The following COL5A2 variants were observed in gnomAD, a reference collection of about 807,000 sequenced individuals.
The protein encoded by COL5A2 is collagen alpha-2(V) chain.
Under a neutral mutation model 208.2 loss-of-function variants are expected in COL5A2, and 23 were observed. The observed-to-expected ratio is 0.11, with a 90% CI of 0.08 to 0.16. The LOEUF is 0.16. Among genes scored for constraint, COL5A2 ranks in the 10% least tolerant of loss-of-function variants. The pLI is 1.00. For synonymous variants in COL5A2, 625 were observed against 628.5 expected (o/e 0.99, Z 0.08); for missense variants, 1,590 against 1,956.4 (o/e 0.81, Z 3.53).
At chr2:189,249,149 T>C in the COL5A2 span, among the ~76,000 whole-genome samples, 4 of 152,194 alleles carry the variant, frequency 2.6e-5, no homozygotes, top group Non-Finnish European at 5.9e-5. Flanking sequence ...CTCAGGATTA[T>C]TTTCTCACTA....
At chr2:189,425,327 T>C in the COL5A2 span, among the ~76,000 whole-genome samples, 1 of 152,154 alleles carries the variant, frequency 6.6e-6, no homozygotes, top group Non-Finnish European at 1.5e-5. Flanking sequence ...AACTATTATA[T>C]GATCGAGCAA....
chr2:189,419,837 G>A, the COL5A2 span, among the ~76,000 whole-genome samples: 61 of 149,642 alleles, frequency 4.1e-4, 1 homozygote, highest in African/African-American at 1.2e-3. Context: ...GAGAGGAGAG[G>A]AAAGGAAAGG....
chr2:189,357,018 G>A, the COL5A2 span, among the ~76,000 whole-genome samples: 1 of 152,150 alleles, frequency 6.6e-6, no homozygotes, highest in Non-Finnish European at 1.5e-5. Context: ...GGAGTGTGCT[G>A]GAGGTCCACT....
intron 12 of COL5A2, 66 bp from the exon 13 acceptor site, chr2:189,081,109 T>A: frequency 7.3e-7 from 1 of 1,362,710 alleles, no homozygotes; most frequent in Non-Finnish European, 1.1e-6. Context: ...CCTTAATATA[T>A]CATTTTTTCC....
chr2:189,121,521 G>A (rs1019152880), intron 1 of COL5A2, among the ~76,000 whole-genome samples: 7 of 152,020 alleles, frequency 4.6e-5, no homozygotes, highest in East Asian at 1.9e-4. Context: ...GGGCTCTTGC[G>A]GTGGTGCGGG....
intron 1 of COL5A2, among the ~76,000 whole-genome samples, chr2:189,136,897 C>G (rs1452312205): frequency 1.3e-5 from 2 of 152,122 alleles, no homozygotes; most frequent in South Asian, 4.2e-4. Flanking sequence ...CTTTCAGCTA[C>G]TTACAATCTG....
At chr2:189,062,942 T>A in intron 28 of COL5A2, 24 bp from the exon 29 acceptor site, 1 of 1,614,084 alleles carries the variant, frequency 6.2e-7, no homozygotes, top group Non-Finnish European at 8.5e-7. Context: ...CAGATATTTG[T>A]GAGGTGAGTC....
chr2:189,409,455 T>C, the COL5A2 span, among the ~76,000 whole-genome samples: 13 of 152,108 alleles, frequency 8.5e-5, no homozygotes, highest in Non-Finnish European at 1.8e-4. Context: ...GCATTTTCTA[T>C]AGTATTCTGT....
chr2:189,053,853 G>A, intron 37 of COL5A2, 42 bp downstream of exon 37: 1 of 1,491,558 alleles, frequency 6.7e-7, no homozygotes, highest in Non-Finnish European at 9.3e-7. Context: ...TTGTTTTATT[G>A]CTCAATCTCA....
At chr2:189,311,978 C>A in the COL5A2 span, 1 of 749,568 alleles carries the variant, frequency 1.3e-6, no homozygotes, top group African/African-American at 1.7e-5. Flanking sequence ...CATCAGTGAC[C>A]TTGTGGAGCC....
intron 49 of COL5A2, among the ~76,000 whole-genome samples, chr2:189,042,015 ATG>A (rs1408617975): frequency 2.6e-5 from 4 of 152,336 alleles, no homozygotes; most frequent in Non-Finnish European, 4.4e-5. Flanking sequence ...AAATAAGAAA[ATG>A]ACAGAAGTTG....
chr2:189,284,830 C>T, the COL5A2 span, among the ~76,000 whole-genome samples: 1 of 151,980 alleles, frequency 6.6e-6, no homozygotes. Context: ...TAGGGTATAG[C>T]CCATTGCTCT....
At chr2:189,122,284 G>A (rs1283863310) in intron 1 of COL5A2, among the ~76,000 whole-genome samples, 1 of 152,130 alleles carries the variant, frequency 6.6e-6, no homozygotes, top group South Asian at 2.1e-4. Flanking sequence ...AATTATCTGA[G>A]AAAGGGTGAG....
chr2:189,319,623 C>T, the COL5A2 span, among the ~76,000 whole-genome samples: 88 of 152,330 alleles, frequency 5.8e-4, no homozygotes, highest in African/African-American at 1.8e-3. Flanking sequence ...CGGGGAGGGG[C>T]GCCCGCCATT....
At chr2:189,356,825 C>T in the COL5A2 span, among the ~76,000 whole-genome samples, 29 of 152,224 alleles carry the variant, frequency 1.9e-4, no homozygotes, top group African/African-American at 6.0e-4. Flanking sequence ...TTCTGGTTTT[C>T]GGAATTTTCA....
At chr2:189,034,852 A>C in intron 53 of COL5A2, 64 bp downstream of exon 53, 1 of 1,600,958 alleles carries the variant, frequency 6.2e-7, no homozygotes, top group East Asian at 2.2e-5. Flanking sequence ...GTGCTGTAAT[A>C]GTATTTTTAA....
At chr2:189,428,123 T>C in the COL5A2 span, among the ~76,000 whole-genome samples, 1 of 152,158 alleles carries the variant, frequency 6.6e-6, no homozygotes, top group African/African-American at 2.4e-5. Flanking sequence ...TATTTTGAAA[T>C]GTGAGAGGGG....
At chr2:189,319,461 C>T in the COL5A2 span, among the ~76,000 whole-genome samples, 1 of 152,230 alleles carries the variant, frequency 6.6e-6, no homozygotes, top group African/African-American at 2.4e-5. Context: ...CAGGTCACTC[C>T]CACACTAATA....
chr2:189,189,037 GT>G (rs1327758611), intron 1 of COL5A2, among the ~76,000 whole-genome samples: 1 of 152,064 alleles, frequency 6.6e-6, no homozygotes. Context: ...GAAGAAAGGA[GT>G]TTTTTTATAA....
Sources: gnomAD v4.1 joint callset for allele counts (sites outside exome capture counted in the v4.1 genomes callset) on GRCh38, gnomAD v4.1.1 for gene constraint, MANE v1.5 for transcripts, NCBI Gene and HGNC (gene_info 2026-07-23, HGNC 2026-07-21) for gene names.